Variants in TCF3 observed in about 807,000 individuals in gnomAD.
The protein encoded by TCF3 is transcription factor E2-alpha.
Under a neutral mutation model 72.3 loss-of-function variants are expected in TCF3, and 54 were observed. That is an observed-to-expected ratio of 0.75 (90% CI 0.60 to 0.94). The LOEUF is 0.94. TCF3 is among the 40% of genes least tolerant of loss of function. TCF3 has a pLI of 0.00. For synonymous variants in TCF3, 525 were observed against 412.6 expected, an observed-to-expected ratio of 1.27 and a Z score of -3.30; for missense variants, 1,078 against 934.4, an observed-to-expected ratio of 1.15 and a Z score of -2.00.
intron 7 of TCF3, among the ~76,000 whole-genome samples, chr19:1,624,509 C>A (rs988218328): frequency 6.6e-6 from 1 of 152,216 alleles, no homozygotes; most frequent in Non-Finnish European, 1.5e-5. Flanking sequence ...GTTTGGAAAA[C>A]GAGGAGTTGG....
intron 18 of TCF3, among the ~76,000 whole-genome samples, chr19:1,612,859 G>C (rs897396023): frequency 7.3e-5 from 11 of 150,526 alleles, no homozygotes; most frequent in African/African-American, 2.5e-4. Flanking sequence ...GGCTGGTGTC[G>C]GGCACAGCAA....
chr19:1,619,805 C>A lies in TCF3; in HGVS notation c.1142G>T (p.Ser381Ile). The A allele has an allele frequency of 6.4e-7, 1 of 1,567,736 alleles. No homozygotes were observed. Among genetic ancestry groups the A allele is most frequent in the Non-Finnish European group, 8.6e-7 (1 of 1,157,312 alleles). Residue 381 changes from serine to isoleucine, a missense_variant, in exon 14 of 19, where the codon AGC becomes ATC. Ser to Ile is a moderately radical substitution (Grantham distance 142). Transcript: ENST00000262965. ...RAGAPGALSP[S>I]YDGGLHGLQS... is the part of the protein sequence containing the mutation. ...CAGGCCGTGGAGACCCCCGTCGTAGCTGGGCGATAAGGCACCGGGGGCTCC... is the reference window on the plus strand; with the variant it reads ...CAGGCCGTGGAGACCCCCGTCGTAGATGGGCGATAAGGCACCGGGGGCTCC...
At chr19:1,620,910 C>T (rs2062115200) in intron 13 of TCF3, 58 bp downstream of exon 13, 43 of 1,385,988 alleles carry the variant, frequency 3.1e-5, no homozygotes, top group Non-Finnish European at 4.0e-5. Context: ...CCTCAGCCTC[C>T]CCTCCCCCCA....
At chr19:1,617,984 G>C (rs2061727696) in intron 16 of TCF3, among the ~76,000 whole-genome samples, 1 of 152,150 alleles carries the variant, frequency 6.6e-6, no homozygotes, top group Non-Finnish European at 1.5e-5. Context: ...TGGAAAGTCT[G>C]CCTGGAAAGC....
chr19:1,621,739 C>T (rs2062247264), intron 11 of TCF3, 99 bp downstream of exon 11: 14 of 1,416,480 alleles, frequency 9.9e-6, no homozygotes, highest in East Asian at 7.5e-5. Context: ...CCAGCAGACG[C>T]GCCTGCGCCT....
chr19:1,622,431 C>CCGGGGGGGGGGGGGGGG lies in TCF3; in HGVS notation c.550-17_550-16insCCCCCCCCCCCCCCCCG. The CCGGGGGGGGGGGGGGGG allele has an allele frequency of 2.3e-6, 1 of 441,850 alleles. No individual in the cohort carries two copies. Among genetic ancestry groups the CCGGGGGGGGGGGGGGGG allele is most frequent in the East Asian group, 5.5e-5 (1 of 18,028 alleles). The allele number at this position is 441,850 out of a possible 1,614,324, so 27.4% of individuals were successfully genotyped here. On this transcript the variant is annotated splice_polypyrimidine_tract_variant and intron_variant, in intron 8 of 18. Coordinates refer to ENST00000262965, the MANE Select transcript of TCF3 (RefSeq NM_003200.5). ...GTGGGTACACCTGCGGGCGGGTGGG[C>CCGGGGGGGGGGGGGGGG]GGTGGGGGGTGCAGTCAGGACGGAG...
chr19:1,617,956 T>C (rs2061724011), intron 16 of TCF3, among the ~76,000 whole-genome samples: 1 of 151,830 alleles, frequency 6.6e-6, no homozygotes, highest in South Asian at 2.1e-4. Flanking sequence ...GGCCTAGGAG[T>C]GATAGAATCA....
intron 3 of TCF3, among the ~76,000 whole-genome samples, chr19:1,640,452 C>G (rs1202836887): frequency 1.3e-5 from 2 of 152,180 alleles, no homozygotes; most frequent in African/African-American, 4.8e-5. Context: ...GTAATAATTA[C>G]ACCTATTTCG....
rs2061005080 is a variant in TCF3 at position 1,611,779 on chromosome 19, T to C, written c.1893A>G (p.Gly631=). ...REEEKVSGVV[G]DPQMVLSAPH... ...GAGCTGAAAGCACCATCTGGGGGTCTCCAACCACACCTGACACCTTTTCCT... is the reference window on the plus strand; with the variant it reads ...GAGCTGAAAGCACCATCTGGGGGTCCCCAACCACACCTGACACCTTTTCCT... Residue 631 remains glycine, a synonymous_variant, in exon 19 of 19, where the codon GGA becomes GGG. Transcript: ENST00000262965. 3 of 1,613,472 alleles carry C rather than the reference T, an allele frequency of 1.9e-6. No homozygotes were observed. The highest frequency in any genetic ancestry group is 2.5e-6 in the Non-Finnish European group (3 of 1,179,932).
At chr19:1,630,454 A>C (rs2063565585) in intron 5 of TCF3, among the ~76,000 whole-genome samples, 1 of 152,190 alleles carries the variant, frequency 6.6e-6, no homozygotes, top group Admixed American at 6.5e-5. Context: ...GTGGGGCCCA[A>C]ACAGGCGCTG....
chr19:1,643,467 C>T (rs996065010), intron 3 of TCF3, among the ~76,000 whole-genome samples: 4 of 152,174 alleles, frequency 2.6e-5, no homozygotes, highest in Non-Finnish European at 4.4e-5. Context: ...GCGATCCTTC[C>T]GCCTTGGTCC....
intron 5 of TCF3, among the ~76,000 whole-genome samples, chr19:1,631,134 T>C (rs114244883): frequency 0.011 from 1,685 of 152,196 alleles, 33 homozygotes; most frequent in African/African-American, 0.038. Context: ...CAGAGCTGGG[T>C]CAGTCCTCAC....
chr19:1,627,777 G>GGGA (rs56728535), intron 5 of TCF3, among the ~76,000 whole-genome samples: 1 of 150,494 alleles, frequency 6.6e-6, no homozygotes, highest in African/African-American at 2.5e-5. Flanking sequence ...AGCTCACGGG[G>GGGA]TGAGGTGGGA....
Position 1,615,863 on chromosome 19 carries a change from G to A in TCF3, c.1451-42C>T. The A allele has an allele frequency of 6.7e-7, 1 of 1,501,402 alleles. No individual in the cohort carries two copies. Among genetic ancestry groups the A allele is most frequent in the Non-Finnish European group, 8.9e-7 (1 of 1,126,624 alleles). The allele number at this position is 1,501,402 out of a possible 1,614,324, so 93.0% of individuals were successfully genotyped here. A position where few individuals can be genotyped will look rare whatever the true frequency, so the allele number is the denominator to read the frequency against. ...GTCAGGGGCCTGCGTCGGCCTCCAG[G>A]GCCAACTGACATATCTCTTTGTGCT... On this transcript the variant is annotated intron_variant, in intron 16 of 18. Coordinates refer to ENST00000262965, the MANE Select transcript of TCF3 (RefSeq NM_003200.5). This position sits in a 1 kb window ranked among gnomAD's most constrained non-coding sequence, Gnocchi z 7.3.
intron 1 of TCF3, chr19:1,651,177 AC>A: frequency 4.3e-6 from 1 of 230,858 alleles, no homozygotes; most frequent in East Asian, 6.1e-5. Context: ...AGAAAAAGGT[AC>A]AGAGAAAAAT....
At position 1,646,339 on chromosome 19, in the gene TCF3, G is replaced by T. The variant is rs1402090237; in HGVS notation, c.145+16C>A. 2.6e-6 allele frequency: 4 copies of T among 1,549,968 alleles called. No homozygotes were observed. Among genetic ancestry groups the T allele is most frequent in the Non-Finnish European group, 3.5e-6 (4 of 1,146,442 alleles). The stretch of plus-strand genomic sequence containing the variant: ...CTCCTCACTCCACGAGCGCTGGCAG[G>T]AAGGCGGGGTCCTACCTGAACCTCC... On this transcript the variant is annotated intron_variant, in intron 3 of 18. Transcript: ENST00000262965.
At chr19:1,627,788 AG>A (rs2063097578) in intron 5 of TCF3, among the ~76,000 whole-genome samples, 1 of 142,850 alleles carries the variant, frequency 7.0e-6, no homozygotes, top group African/African-American at 2.6e-5. Context: ...TGAGGTGGGA[AG>A]GGGACAGCAG....
chr19:1,621,247 G>A (rs546414803), intron 11 of TCF3, 56 bp from the exon 12 acceptor site: 66 of 1,513,156 alleles, frequency 4.4e-5, no homozygotes, highest in African/African-American at 1.4e-4. Context: ...TGCCGCCGAC[G>A]GCAAGCTCTC....
At chr19:1,639,986 C>A (rs1431637028) in intron 3 of TCF3, among the ~76,000 whole-genome samples, 1 of 152,028 alleles carries the variant, frequency 6.6e-6, no homozygotes, top group Non-Finnish European at 1.5e-5. Flanking sequence ...ATCGATTTGC[C>A]AATGAAGCAG....
Sources: allele counts gnomAD v4.1 joint callset (sites outside exome capture counted in the v4.1 genomes callset), GRCh38; gene constraint gnomAD v4.1.1; non-coding constraint Gnocchi (gnomAD v3.1); transcripts MANE v1.5; gene names NCBI Gene and HGNC (gene_info 2026-07-23, HGNC 2026-07-21).